SMOC2: variants seen among roughly 807,000 people sequenced by gnomAD.
SMOC2 encodes SPARC related modular calcium binding 2.
A neutral mutation model predicts 61.4 loss-of-function variants in SMOC2; 39 were observed. The observed-to-expected ratio is 0.64, with a 90% CI of 0.49 to 0.83. The LOEUF is 0.83. Ranked by LOEUF, SMOC2 falls within the 40% of genes least tolerant of loss-of-function variation. The pLI is 0.00. For synonymous variants in SMOC2, 247 were observed against 239.9 expected, an observed-to-expected ratio of 1.03 and a Z score of -0.27; for missense variants, 556 against 592.9, an observed-to-expected ratio of 0.94 and a Z score of 0.65.
intron 1 of SMOC2, among the ~76,000 whole-genome samples, chr6:168,460,443 A>G (rs562863917): frequency 1.4e-4 from 22 of 152,274 alleles, no homozygotes; most frequent in African/African-American, 5.3e-4. Flanking sequence ...GACATAAAAC[A>G]TTTTACGTCT....
chr6:168,623,964 C>T (rs904069851), intron 9 of SMOC2, among the ~76,000 whole-genome samples: 3 of 152,226 alleles, frequency 2.0e-5, no homozygotes, highest in East Asian at 1.9e-4. Flanking sequence ...CAGAGCCTGG[C>T]GGCTGGGTGG....
chr6:168,597,328 TGG>T (rs1236580338), intron 7 of SMOC2, among the ~76,000 whole-genome samples: 1 of 152,206 alleles, frequency 6.6e-6, no homozygotes. Context: ...AAAATCAGGG[TGG>T]TTTCCATTAA....
intron 1 of SMOC2, among the ~76,000 whole-genome samples, chr6:168,503,082 T>A (rs1261918890): frequency 8.0e-6 from 1 of 124,460 alleles, no homozygotes; most frequent in Non-Finnish European, 1.7e-5. Flanking sequence ...TTTTTTTTTT[T>A]TTTTTTTTTT....
chr6:168,601,974 C>T (rs146948227), intron 8 of SMOC2, among the ~76,000 whole-genome samples: 5 of 152,286 alleles, frequency 3.3e-5, no homozygotes, highest in East Asian at 1.9e-4. Context: ...TCAGAAAGAA[C>T]ATGAAAGTAA....
At chr6:168,563,162 A>G (rs1401512732) in intron 7 of SMOC2, among the ~76,000 whole-genome samples, 2 of 152,230 alleles carry the variant, frequency 1.3e-5, no homozygotes, top group Admixed American at 6.5e-5. Flanking sequence ...ATCTCTCTGC[A>G]TGGTGTGGAT....
intron 7 of SMOC2, among the ~76,000 whole-genome samples, chr6:168,558,690 C>T (rs1166905501): frequency 1.3e-5 from 2 of 152,224 alleles, no homozygotes; most frequent in African/African-American, 4.8e-5. Flanking sequence ...GCACATCGAG[C>T]TTGGTACTGG....
Position 168,452,512 on chromosome 6 carries a change from A to G in SMOC2, c.84+11058A>G, listed in dbSNP as rs573558892. On this transcript the variant is annotated intron_variant, in intron 1 of 12. Coordinates refer to ENST00000356284, the MANE Select transcript of SMOC2 (RefSeq NM_001166412.2). This position sits in a 1 kb window ranked among gnomAD's most constrained non-coding sequence, Gnocchi z 5.0. ...AACTTATTTTATTTGCTAAATGAAT[A>G]TTATATTTCAGTGTTCTCCAGTAAT... Among the ~76,000 whole-genome samples the G allele has an allele frequency of 7.1e-4, 108 of 152,292 alleles. No individual in the cohort carries two copies. The highest frequency in any genetic ancestry group is 2.4e-3 in the African/African-American group (101 of 41,558).
chr6:168,585,954 G>A (rs902499819), intron 7 of SMOC2, among the ~76,000 whole-genome samples: 15 of 152,030 alleles, frequency 9.9e-5, no homozygotes, highest in Non-Finnish European at 2.1e-4. Context: ...TTGCCTTTTC[G>A]TTTTCTTAAT....
intron 7 of SMOC2, among the ~76,000 whole-genome samples, chr6:168,558,711 T>C (rs1172893002): frequency 6.6e-6 from 1 of 152,110 alleles, no homozygotes; most frequent in African/African-American, 2.4e-5. Flanking sequence ...ACTCGGCAAA[T>C]AGGGATTCAG....
chr6:168,646,904 A>T (rs928088630), intron 9 of SMOC2, among the ~76,000 whole-genome samples: 1 of 152,228 alleles, frequency 6.6e-6, no homozygotes, highest in Non-Finnish European at 1.5e-5. Flanking sequence ...TACTCCCTTC[A>T]TTGTTTTGCC....
intron 1 of SMOC2, among the ~76,000 whole-genome samples, chr6:168,490,461 A>C (rs1343102864): frequency 6.6e-6 from 1 of 152,154 alleles, no homozygotes; most frequent in Non-Finnish European, 1.5e-5. Flanking sequence ...TTCACTGGGC[A>C]GCTGACTCTC....
At chr6:168,495,918 C>G (rs536069156) in intron 1 of SMOC2, among the ~76,000 whole-genome samples, 9 of 152,310 alleles carry the variant, frequency 5.9e-5, no homozygotes, top group Admixed American at 2.6e-4. Context: ...AGGGCCGGGC[C>G]GAGCTGGGAG....
Position 168,650,752 on chromosome 6 carries a change from G to C in SMOC2, c.979G>C (p.Ala327Pro). ...CGCGCTGTCCACGGACATGGTCCAC[G>C]CCGCCTCCGACCCCTCCTCCTCGTC... Reference protein sequence around the residue: ...LDALSTDMVHAASDPSSSSGR... With the variant: ...LDALSTDMVHPASDPSSSSGR... The change falls in exon 10 of 13, where the codon GCC (alanine) becomes CCC (proline). Residue 327 changes from alanine to proline, a missense_variant. Ala to Pro is a conservative substitution (Grantham distance 27, BLOSUM62 -1). Transcript: ENST00000356284. 1.2e-6 allele frequency: 2 copies of C among 1,612,732 alleles called. No homozygotes were observed. The highest frequency in any genetic ancestry group is 1.3e-5 in the African/African-American group (1 of 75,056).
intron 1 of SMOC2, among the ~76,000 whole-genome samples, chr6:168,476,756 A>G (rs1447194149): frequency 1.3e-5 from 2 of 152,142 alleles, no homozygotes; most frequent in Non-Finnish European, 2.9e-5. Flanking sequence ...AACATTGTAC[A>G]TAATAATTTA....
At chr6:168,493,663 A>T (rs191297491) in intron 1 of SMOC2, among the ~76,000 whole-genome samples, 9 of 152,354 alleles carry the variant, frequency 5.9e-5, no homozygotes, top group African/African-American at 1.4e-4. Flanking sequence ...TGATATATTA[A>T]TATCAACATT....
intron 7 of SMOC2, among the ~76,000 whole-genome samples, chr6:168,559,472 A>G (rs1020861321): frequency 7.3e-6 from 1 of 137,308 alleles, no homozygotes; most frequent in Non-Finnish European, 1.7e-5. Flanking sequence ...TAAAAATAAA[A>G]ATAAAAATAA....
chr6:168,631,614 T>C (rs1366333532), intron 9 of SMOC2, among the ~76,000 whole-genome samples: 1 of 152,238 alleles, frequency 6.6e-6, no homozygotes, highest in Non-Finnish European at 1.5e-5. Context: ...AAAGCTTTTC[T>C]TGAAGGAATG....
chr6:168,592,518 G>A (rs1785213826), intron 7 of SMOC2, among the ~76,000 whole-genome samples: 1 of 94,082 alleles, frequency 1.1e-5, no homozygotes, highest in Admixed American at 1.4e-4. Context: ...CCTTCCTGAG[G>A]CCTCACGGGC....
At chr6:168,538,070 C>A (rs966760037) in intron 4 of SMOC2, among the ~76,000 whole-genome samples, 3 of 147,648 alleles carry the variant, frequency 2.0e-5, no homozygotes, top group African/African-American at 7.6e-5. Flanking sequence ...GTGACTGACC[C>A]CTGCTGGGAT....
Sources: gnomAD v4.1 joint callset for allele counts (sites outside exome capture counted in the v4.1 genomes callset) on GRCh38, gnomAD v4.1.1 for gene constraint, Gnocchi (gnomAD v3.1) non-coding constraint, MANE v1.5 for transcripts, NCBI Gene and HGNC (gene_info 2026-07-23, HGNC 2026-07-21) for gene names.